DPYD: variants seen among roughly 807,000 people sequenced by gnomAD.
The protein encoded by DPYD is dihydropyrimidine dehydrogenase [NADP(+)].
DPYD carries 109 observed loss-of-function variants against 116.2 expected under a neutral mutation model. The observed-to-expected ratio is 0.94, with a 90% CI of 0.80 to 1.10. DPYD has a LOEUF of 1.10. Among genes scored for constraint, DPYD ranks in the 50% least tolerant of loss-of-function variants. The probability of loss-of-function intolerance (pLI) is 0.00; values close to 1 mark genes in which losing one functional copy is unlikely to be tolerated. For missense variants in DPYD, 1,302 were observed against 1,254.5 expected, an observed-to-expected ratio of 1.04 and a Z score of -0.57; for synonymous variants, 440 against 432.0, an observed-to-expected ratio of 1.02 and a Z score of -0.23.
intron 19 of DPYD, among the ~76,000 whole-genome samples, chr1:97,221,876 G>T (rs1187139618): frequency 6.6e-6 from 1 of 151,848 alleles, no homozygotes; most frequent in Non-Finnish European, 1.5e-5. Flanking sequence ...TTTAAAATGG[G>T]AATGAAATCC....
intron 19 of DPYD, among the ~76,000 whole-genome samples, chr1:97,213,902 G>A (rs1660204023): frequency 6.6e-6 from 1 of 152,130 alleles, no homozygotes; most frequent in East Asian, 1.9e-4. Context: ...CCCCTCTCGA[G>A]TTACTAAAAT....
chr1:97,592,612 C>T lies in DPYD; in HGVS notation c.1128+606G>A, dbSNP rs578207923. On this transcript the variant is annotated intron_variant, in intron 10 of 22. Transcript: ENST00000370192. ...TTGATCTCCTGACCTTGTGATCCGC[C>T]GGCCTCAGCCTCCCAAAGTGCTGGG... 4.6e-5 allele frequency among the ~76,000 whole-genome samples: 7 copies of T among 152,296 alleles called. No individual in the cohort carries two copies. In the East Asian group the frequency reaches 7.7e-4, roughly 17 times the overall value.
At chr1:97,526,296 C>T (rs1235732250) in intron 12 of DPYD, among the ~76,000 whole-genome samples, 1 of 152,116 alleles carries the variant, frequency 6.6e-6, no homozygotes, top group African/African-American at 2.4e-5. Flanking sequence ...CTCTTTCTTT[C>T]TATGTACAGC....
intron 20 of DPYD, among the ~76,000 whole-genome samples, chr1:97,127,130 T>A (rs574409400): frequency 3.9e-5 from 6 of 152,156 alleles, no homozygotes; most frequent in Non-Finnish European, 8.8e-5. Context: ...AAGGCAGGCC[T>A]TCTTGGACAC....
Position 97,840,959 on chromosome 1 carries a change from G to T in DPYD, c.151-12763C>A, listed in dbSNP as rs76293564. Among the ~76,000 whole-genome samples, 1,857 of 152,104 alleles carry T rather than the reference G, an allele frequency of 0.012. 120 individuals carry two copies. In the East Asian group the frequency reaches 0.17, roughly 14 times the overall value. ...TCACTGGAAGAAAGTGTAGGTGTAAGAATTTTTCTCCATGAAGAAAAAATG... is the reference window on the plus strand; with the variant it reads ...TCACTGGAAGAAAGTGTAGGTGTAATAATTTTTCTCCATGAAGAAAAAATG... On this transcript the variant is annotated intron_variant, in intron 2 of 22. Transcript: ENST00000370192.
At chr1:97,225,376 G>A (rs1226232708) in intron 19 of DPYD, among the ~76,000 whole-genome samples, 4 of 151,820 alleles carry the variant, frequency 2.6e-5, no homozygotes, top group Admixed American at 2.0e-4. Context: ...TCAAATATCT[G>A]TGCCATTTAT....
intron 21 of DPYD, among the ~76,000 whole-genome samples, chr1:97,086,215 G>A (rs1346254100): frequency 6.6e-6 from 1 of 151,996 alleles, no homozygotes; most frequent in Non-Finnish European, 1.5e-5. Context: ...CACCACGCCC[G>A]GCTAATTTTT....
chr1:97,457,036 TCTC>T (rs1199885620), intron 13 of DPYD, among the ~76,000 whole-genome samples: 2 of 152,048 alleles, frequency 1.3e-5, no homozygotes, highest in Non-Finnish European at 2.9e-5. Flanking sequence ...GTGTACTTAA[TCTC>T]AGTCTTGGCC....
At position 97,173,356 on chromosome 1, in the gene DPYD, G is replaced by A. The variant is rs12032698; in HGVS notation, c.2622+19713C>T. On this transcript the variant is annotated intron_variant, in intron 20 of 22. Transcript: ENST00000370192. ...TATGTGTATATATGCACACATATAT[G>A]TACATATATACATATATGTGTGTAT... Among the ~76,000 whole-genome samples, 237 of 95,164 alleles carry A rather than the reference G, an allele frequency of 2.5e-3. 2 individuals carry two copies. In the South Asian group the frequency reaches 0.031, roughly 12 times the overall value. 62.4% of individuals were successfully genotyped at this position (95,164 alleles called of 152,430 possible). A position where few individuals can be genotyped will look rare whatever the true frequency, so the allele number is the denominator to read the frequency against.
chr1:97,782,545 T>C (rs950895431), intron 3 of DPYD, among the ~76,000 whole-genome samples: 2 of 152,218 alleles, frequency 1.3e-5, no homozygotes, highest in African/African-American at 4.8e-5. Context: ...CTGCCATGTA[T>C]ACTCACTTTA....
intron 16 of DPYD, among the ~76,000 whole-genome samples, chr1:97,329,148 A>T (rs1668853881): frequency 6.6e-6 from 1 of 152,160 alleles, no homozygotes; most frequent in Non-Finnish European, 1.5e-5. Context: ...GTAAATCTGA[A>T]TTTTGTTAAG....
At chr1:97,286,783 G>A (rs1299312240) in intron 18 of DPYD, among the ~76,000 whole-genome samples, 5 of 152,128 alleles carry the variant, frequency 3.3e-5, no homozygotes, top group Non-Finnish European at 7.3e-5. Flanking sequence ...GCTCCTTTAA[G>A]CACTTCTCTG....
At chr1:97,722,634 A>G (rs1365726362) in intron 4 of DPYD, among the ~76,000 whole-genome samples, 1 of 151,610 alleles carries the variant, frequency 6.6e-6, no homozygotes, top group African/African-American at 2.4e-5. Flanking sequence ...TTTTATTTGT[A>G]ATAATTTTGA....
intron 12 of DPYD, among the ~76,000 whole-genome samples, chr1:97,522,675 C>T (rs1297902936): frequency 3.3e-5 from 5 of 151,014 alleles, no homozygotes; most frequent in East Asian, 1.9e-4. Context: ...GCCAAGATCA[C>T]GCCACTGCTC....
intron 18 of DPYD, among the ~76,000 whole-genome samples, chr1:97,238,264 T>C (rs894395464): frequency 6.6e-6 from 1 of 152,126 alleles, no homozygotes; most frequent in Non-Finnish European, 1.5e-5. Flanking sequence ...ATCCAAAAAA[T>C]GAAGAAATGA....
At chr1:97,282,247 T>C (rs1404038322) in intron 18 of DPYD, among the ~76,000 whole-genome samples, 1 of 152,152 alleles carries the variant, frequency 6.6e-6, no homozygotes, top group Non-Finnish European at 1.5e-5. Flanking sequence ...ATTGCATTAT[T>C]GTTGTCTTAT....
At chr1:97,623,554 A>C (rs991447251) in intron 8 of DPYD, among the ~76,000 whole-genome samples, 1 of 151,984 alleles carries the variant, frequency 6.6e-6, no homozygotes, top group African/African-American at 2.4e-5. Flanking sequence ...AACTACTGAC[A>C]AAAGGAATCT....
intron 14 of DPYD, among the ~76,000 whole-genome samples, chr1:97,429,821 C>G (rs1379935647): frequency 6.6e-6 from 1 of 151,992 alleles, no homozygotes; most frequent in Non-Finnish European, 1.5e-5. Flanking sequence ...AAATTTAATG[C>G]TATACTCTTG....
At chr1:97,743,293 C>G (rs1664368234) in intron 3 of DPYD, among the ~76,000 whole-genome samples, 1 of 152,072 alleles carries the variant, frequency 6.6e-6, no homozygotes, top group South Asian at 2.1e-4. Flanking sequence ...TGGGCAGACT[C>G]TGATAATAAT....
Sources: allele counts gnomAD v4.1 joint callset (sites outside exome capture counted in the v4.1 genomes callset), GRCh38; gene constraint gnomAD v4.1.1; transcripts MANE v1.5; gene names NCBI Gene and HGNC (gene_info 2026-07-23, HGNC 2026-07-21).